Variants in ADGRA3 observed in about 807,000 individuals in gnomAD.
ADGRA3 encodes the protein adhesion G protein-coupled receptor A3.
Under a neutral mutation model 119.8 loss-of-function variants are expected in ADGRA3, and 56 were observed. The observed-to-expected ratio is 0.47, with a 90% CI of 0.38 to 0.58. ADGRA3 has a LOEUF of 0.58. ADGRA3 is among the 20% of genes least tolerant of loss of function. ADGRA3 has a pLI of 0.00. For synonymous variants in ADGRA3, 607 were observed against 623.8 expected (o/e 0.97, Z 0.40); for missense variants, 1,516 against 1,649.0 (o/e 0.92, Z 1.40).
At chr4:22,426,364 CA>C (rs1032433963) in intron 10 of ADGRA3, among the ~76,000 whole-genome samples, 4 of 152,158 alleles carry the variant, frequency 2.6e-5, no homozygotes, top group African/African-American at 7.2e-5. Context: ...GTAGAGACAA[CA>C]AAATGTCTTA....
In ADGRA3 at chr4:22,515,429, A is replaced by T. The variant is rs1337935119; in HGVS notation, c.257+99T>A. ...CCGCCCCCTGCCTACAGCTCCACAC[A>T]AAGGCGCGTGGGTGCCGGCTGGACC... On this transcript the variant is annotated intron_variant, in intron 1 of 18. Coordinates refer to ENST00000334304, the MANE Select transcript of ADGRA3 (RefSeq NM_145290.4). The T allele has an allele frequency of 2.8e-6, 4 of 1,413,560 alleles. No homozygotes were observed. In the East Asian group the frequency reaches 1.2e-4, roughly 42 times the overall value. 87.6% of individuals were successfully genotyped at this position (1,413,560 alleles called of 1,614,324 possible).
intron 1 of ADGRA3, among the ~76,000 whole-genome samples, chr4:22,498,549 C>T (rs894170994): frequency 1.3e-5 from 2 of 151,682 alleles, no homozygotes; most frequent in Non-Finnish European, 2.9e-5. Context: ...ACCAGGAAGG[C>T]GGAGGTTGTA....
At chr4:22,414,694 A>G in intron 12 of ADGRA3, 1 of 651,760 alleles carries the variant, frequency 1.5e-6, no homozygotes, top group Non-Finnish European at 2.7e-6. Context: ...TCCTAAGTTC[A>G]CCATATAATT....
chr4:22,513,018 G>A (rs1033821598), intron 1 of ADGRA3, among the ~76,000 whole-genome samples: 4 of 152,120 alleles, frequency 2.6e-5, no homozygotes, highest in African/African-American at 9.7e-5. Context: ...GAATTCTGGT[G>A]AGCAAGTCCC....
intron 5 of ADGRA3, among the ~76,000 whole-genome samples, chr4:22,445,452 T>G (rs1166488489): frequency 6.6e-6 from 1 of 152,166 alleles, no homozygotes; most frequent in Non-Finnish European, 1.5e-5. Context: ...ATCCCATTCC[T>G]TTTTGTCTAT....
At chr4:22,392,425 G>T in intron 17 of ADGRA3, 120 bp downstream of exon 17, 1 of 1,165,226 alleles carries the variant, frequency 8.6e-7, no homozygotes, top group Non-Finnish European at 1.2e-6. Context: ...AAACCAGGCA[G>T]TCCTGCATAC....
At chr4:22,511,952 A>G (rs1334718329) in intron 1 of ADGRA3, among the ~76,000 whole-genome samples, 1 of 129,530 alleles carries the variant, frequency 7.7e-6, no homozygotes, top group African/African-American at 3.0e-5. Flanking sequence ...GCTGAAGTGC[A>G]GTGGCACGAT....
At position 22,436,474 on chromosome 4, in the gene ADGRA3, T is replaced by C. The variant is rs1417357563; in HGVS notation, c.1253A>G (p.Asn418Ser). The C allele has an allele frequency of 6.2e-7, 1 of 1,612,202 alleles. No homozygotes were observed. The highest frequency in any genetic ancestry group is 1.3e-5 in the African/African-American group (1 of 74,866). The change falls in exon 9 of 19, where the codon AAT (asparagine) becomes AGT (serine). Residue 418 changes from asparagine (N) to serine (S), a missense_variant. Physicochemically the swap from Asn to Ser is conservative, Grantham distance 46. Coordinates refer to ENST00000334304, the MANE Select transcript of ADGRA3 (RefSeq NM_145290.4). ...CATATAAAGAACTCTAGTGACATCA[T>C]TTGCATACTGACAGCGAGAATAATC... ...DDDYSRCQYANDVTRVLYMFN... is the reference protein window; with the variant it reads ...DDDYSRCQYASDVTRVLYMFN...
At chr4:22,492,262 G>C (rs1193519272) in intron 1 of ADGRA3, among the ~76,000 whole-genome samples, 2 of 152,070 alleles carry the variant, frequency 1.3e-5, no homozygotes, top group Non-Finnish European at 2.9e-5. Flanking sequence ...TAAAAAAAGA[G>C]AATACTGGAA....
chr4:22,401,595 A>G, intron 15 of ADGRA3, 41 bp from the exon 16 acceptor site: 1 of 1,473,706 alleles, frequency 6.8e-7, no homozygotes, highest in Non-Finnish European at 9.3e-7. Flanking sequence ...TCAGGCTAGT[A>G]CATAAGGAGA....
intron 1 of ADGRA3, among the ~76,000 whole-genome samples, chr4:22,482,542 G>A (rs754055535): frequency 5.3e-5 from 8 of 151,846 alleles, no homozygotes; most frequent in Middle Eastern, 6.8e-3. Flanking sequence ...GTGTGAGCAT[G>A]TAGTCCTGGC....
At chr4:22,396,358 T>C (rs901601163) in intron 16 of ADGRA3, among the ~76,000 whole-genome samples, 1 of 152,128 alleles carries the variant, frequency 6.6e-6, no homozygotes, top group Non-Finnish European at 1.5e-5. Context: ...GTTCATAAAA[T>C]ATGTAAGCTC....
chr4:22,416,406 T>G (rs533975412), intron 12 of ADGRA3, among the ~76,000 whole-genome samples: 147 of 152,296 alleles, frequency 9.7e-4, no homozygotes, highest in African/African-American at 3.4e-3. Context: ...GTAGAGAACA[T>G]GAGATCTGAA....
chr4:22,498,788 C>T (rs1007692765), intron 1 of ADGRA3, among the ~76,000 whole-genome samples: 4 of 152,014 alleles, frequency 2.6e-5, no homozygotes, highest in African/African-American at 9.7e-5. Context: ...GTGGTGCATG[C>T]CTGTAATCCC....
intron 1 of ADGRA3, among the ~76,000 whole-genome samples, chr4:22,494,334 T>C (rs1718737253): frequency 1.3e-5 from 2 of 151,920 alleles, no homozygotes; most frequent in Non-Finnish European, 1.5e-5. Context: ...AGGGGAGGCA[T>C]GAATAATCCA....
intron 1 of ADGRA3, among the ~76,000 whole-genome samples, chr4:22,498,893 G>C (rs529609741): frequency 4.7e-5 from 7 of 149,396 alleles, no homozygotes; most frequent in African/African-American, 1.7e-4. Context: ...CAGCTTGGGC[G>C]ACACAGCGAG....
chr4:22,445,259 T>C (rs1272396366), intron 5 of ADGRA3, 126 bp from the exon 6 acceptor site: 2 of 756,120 alleles, frequency 2.6e-6, no homozygotes, highest in African/African-American at 1.7e-5. Context: ...CTAAAGTACA[T>C]TTCATCAACT....
chr4:22,426,196 G>C (rs1055994400), intron 10 of ADGRA3, among the ~76,000 whole-genome samples: 9 of 152,090 alleles, frequency 5.9e-5, no homozygotes, highest in African/African-American at 1.2e-4. Context: ...CGTAAAAATA[G>C]GACCAATGCA....
chr4:22,417,828 A>C (rs1304710575), intron 12 of ADGRA3, among the ~76,000 whole-genome samples: 1 of 152,178 alleles, frequency 6.6e-6, no homozygotes, highest in Non-Finnish European at 1.5e-5. Flanking sequence ...GATGGACTGG[A>C]AAAGTGCAAA....
Sources: allele counts gnomAD v4.1 joint callset (sites outside exome capture counted in the v4.1 genomes callset), GRCh38; gene constraint gnomAD v4.1.1; transcripts MANE v1.5; gene names NCBI Gene and HGNC (gene_info 2026-07-23, HGNC 2026-07-21).